The following PPP6R3 variants were observed in gnomAD, a reference collection of about 807,000 sequenced individuals.
PPP6R3 encodes protein phosphatase 6 regulatory subunit 3.
PPP6R3 carries 38 observed loss-of-function variants against 110.7 expected under a neutral mutation model. That is an observed-to-expected ratio of 0.34 (90% CI 0.26 to 0.45). The LOEUF (loss-of-function observed/expected upper bound fraction) is 0.45, where lower values mean the gene tolerates loss of function less well. Among genes scored for constraint, PPP6R3 ranks in the 20% least tolerant of loss-of-function variants. The probability of loss-of-function intolerance (pLI) is 1.00; values close to 1 mark genes in which losing one functional copy is unlikely to be tolerated. For synonymous variants in PPP6R3, 369 were observed against 373.5 expected (o/e 0.99, Z 0.14); for missense variants, 870 against 1,062.4 (o/e 0.82, Z 2.52).
At chr11:68,492,187 G>T (rs1291555221) in intron 1 of PPP6R3, among the ~76,000 whole-genome samples, 1 of 152,154 alleles carries the variant, frequency 6.6e-6, no homozygotes, top group Non-Finnish European at 1.5e-5. Context: ...TTTAGAGGCA[G>T]AGTCTTGCTC....
intron 18 of PPP6R3, among the ~76,000 whole-genome samples, chr11:68,592,276 G>A (rs1223142705): frequency 6.6e-6 from 1 of 151,962 alleles, no homozygotes; most frequent in Non-Finnish European, 1.5e-5. Flanking sequence ...AGGAATATTT[G>A]ATCAGCAGCT....
chr11:68,582,400 G>A (rs778642996), intron 14 of PPP6R3, among the ~76,000 whole-genome samples: 18 of 152,212 alleles, frequency 1.2e-4, no homozygotes, highest in Non-Finnish European at 2.5e-4. Context: ...GAATTGGTGA[G>A]CAGTTCATGT....
chr11:68,588,167 G>A (rs1028984994), intron 16 of PPP6R3, 143 bp downstream of exon 16: 4 of 754,316 alleles, frequency 5.3e-6, no homozygotes. Context: ...TCTAGTTCCA[G>A]CAGATTGGCC....
chr11:68,591,798 A>G (rs1221055595), intron 18 of PPP6R3, 92 bp downstream of exon 18: 9 of 1,384,216 alleles, frequency 6.5e-6, no homozygotes, highest in African/African-American at 1.5e-5. Flanking sequence ...CCAAACATAC[A>G]TGTTAACCCA....
intron 22 of PPP6R3, among the ~76,000 whole-genome samples, chr11:68,605,510 A>G (rs1273715841): frequency 6.6e-6 from 1 of 152,242 alleles, no homozygotes; most frequent in Non-Finnish European, 1.5e-5. Context: ...TTGTCTCAAC[A>G]TAAATATGAA....
intron 19 of PPP6R3, among the ~76,000 whole-genome samples, chr11:68,599,561 T>A (rs2099624352): frequency 6.6e-6 from 1 of 152,278 alleles, no homozygotes; most frequent in Non-Finnish European, 1.5e-5. Context: ...AGACCCGGAC[T>A]GGGAAGCATT....
chr11:68,603,218 C>A, intron 21 of PPP6R3, 124 bp from the exon 22 acceptor site: 2 of 1,254,354 alleles, frequency 1.6e-6, no homozygotes, highest in Non-Finnish European at 2.2e-6. Context: ...CAGGCAGAAG[C>A]CATCTCACTC....
rs141148027 is a variant in PPP6R3 at position 68,495,374 on chromosome 11, C to G, written c.-157-24127C>G. Among the ~76,000 whole-genome samples, 758 of 152,320 alleles carry G rather than the reference C, an allele frequency of 5.0e-3. 6 individuals carry two copies. Among genetic ancestry groups the G allele is most frequent in the African/African-American group, 0.017 (726 of 41,570 alleles). On this transcript the variant is annotated intron_variant, in intron 1 of 23. Transcript: ENST00000393800. Reference sequence around the variant, plus strand: ...ATTGAGACATAACTCACCCACTTAACGCATACAAGTTAATGTTTTTTAGTA... The same window carrying G: ...ATTGAGACATAACTCACCCACTTAAGGCATACAAGTTAATGTTTTTTAGTA...
At chr11:68,477,741 A>AAATATATATATATATATATATATATAT in intron 1 of PPP6R3, among the ~76,000 whole-genome samples, 5 of 57,904 alleles carry the variant, frequency 8.6e-5, no homozygotes, top group Non-Finnish European at 1.7e-4. Flanking sequence ...AAAAAAAAAA[A>AAATATATATATATATATATATATATAT]ATATATATAT....
At chr11:68,594,521 A>T (rs1258674887) in intron 18 of PPP6R3, among the ~76,000 whole-genome samples, 1 of 152,200 alleles carries the variant, frequency 6.6e-6, no homozygotes, top group Non-Finnish European at 1.5e-5. Flanking sequence ...AAATTTAAAT[A>T]TGTAGGGACA....
At chr11:68,500,017 T>G (rs191054165) in intron 1 of PPP6R3, among the ~76,000 whole-genome samples, 1 of 152,204 alleles carries the variant, frequency 6.6e-6, no homozygotes. Flanking sequence ...ATTAAATCTT[T>G]TTTTCTTTAT....
At position 68,574,200 on chromosome 11, in the gene PPP6R3, G is replaced by A. The variant is rs2099521477; in HGVS notation, c.1435G>A (p.Ala479Thr). The change falls in exon 13 of 24, where the codon GCA becomes ACA. Residue 479 changes from alanine to threonine, a missense_variant. By Grantham distance (58) the Ala-to-Thr change is moderately conservative. Transcript: ENST00000393800. ...VHSTDKGPNSALVQQLIKDLP... is the reference protein window; with the variant it reads ...VHSTDKGPNSTLVQQLIKDLP... The stretch of plus-strand genomic sequence containing the variant: ...CAGCACTGACAAGGGCCCCAACAGT[G>A]CATTAGTGCAGCAGCTTATCAAAGG... 1.9e-6 allele frequency: 3 copies of A among 1,613,712 alleles called. No homozygotes were observed. Among genetic ancestry groups the A allele is most frequent in the South Asian group, 1.1e-5 (1 of 91,060 alleles).
intron 14 of PPP6R3, among the ~76,000 whole-genome samples, chr11:68,582,665 G>T (rs1431128938): frequency 6.6e-6 from 1 of 152,240 alleles, no homozygotes; most frequent in Non-Finnish European, 1.5e-5. Context: ...GACCCTGCAG[G>T]CCCCGTACAT....
chr11:68,502,470 A>C (rs1204308522), intron 1 of PPP6R3, among the ~76,000 whole-genome samples: 1 of 152,190 alleles, frequency 6.6e-6, no homozygotes, highest in Admixed American at 6.5e-5. Flanking sequence ...GCGCTAACCA[A>C]GAACCCAAGT....
intron 22 of PPP6R3, chr11:68,609,634 TAC>T: frequency 2.6e-6 from 4 of 1,552,960 alleles, no homozygotes; most frequent in Non-Finnish European, 3.5e-6. Flanking sequence ...TATCGGTATG[TAC>T]AGTGTTATGG....
chr11:68,480,097 T>G (rs1457928219), intron 1 of PPP6R3, among the ~76,000 whole-genome samples: 2 of 152,216 alleles, frequency 1.3e-5, no homozygotes, highest in Non-Finnish European at 2.9e-5. Flanking sequence ...TCTCACCTGC[T>G]TTTTCAGTTG....
chr11:68,602,838 G>A (rs537268733), intron 21 of PPP6R3, among the ~76,000 whole-genome samples: 7 of 152,168 alleles, frequency 4.6e-5, no homozygotes, highest in Admixed American at 2.0e-4. Flanking sequence ...TGGTGATGTC[G>A]ATGTTTGAAT....
chr11:68,464,249 A>C (rs1237168181), intron 1 of PPP6R3, among the ~76,000 whole-genome samples: 1 of 151,990 alleles, frequency 6.6e-6, no homozygotes, highest in Non-Finnish European at 1.5e-5. Flanking sequence ...TCTCTGCCTC[A>C]GCCTCCCTAG....
intron 1 of PPP6R3, among the ~76,000 whole-genome samples, chr11:68,504,370 TG>T (rs2099064209): frequency 6.7e-6 from 1 of 148,380 alleles, no homozygotes; most frequent in Non-Finnish European, 1.5e-5. Flanking sequence ...GTGTAGAGCT[TG>T]TCCTTCTGCC....
Sources: allele counts gnomAD v4.1 joint callset (sites outside exome capture counted in the v4.1 genomes callset), GRCh38; gene constraint gnomAD v4.1.1; transcripts MANE v1.5; gene names NCBI Gene and HGNC (gene_info 2026-07-23, HGNC 2026-07-21).